Variants in PCDH9 observed in about 807,000 individuals in gnomAD.
PCDH9 encodes protocadherin-9.
A neutral mutation model predicts 70.6 loss-of-function variants in PCDH9; 24 were observed. The ratio of observed to expected loss-of-function variants is 0.34; its 90% CI spans 0.25 to 0.48. The LOEUF (loss-of-function observed/expected upper bound fraction) is 0.48, where lower values mean the gene tolerates loss of function less well. PCDH9 is among the 20% of genes least tolerant of loss of function. The pLI is 0.99. For synonymous variants in PCDH9, 562 were observed against 558.5 expected (o/e 1.01, Z -0.09); for missense variants, 1,281 against 1,503.6 (o/e 0.85, Z 2.45).
chr13:66,757,260 A>G (rs1425761045), intron 3 of PCDH9, among the ~76,000 whole-genome samples: 1 of 152,148 alleles, frequency 6.6e-6, no homozygotes, highest in African/African-American at 2.4e-5. Context: ...CCTTGGATTG[A>G]ATGACTTCAT....
At chr13:67,216,241 A>C (rs1269225146) in intron 2 of PCDH9, 1 of 152,144 alleles carries the variant, frequency 6.6e-6, no homozygotes, top group African/African-American at 2.4e-5. Context: ...ATGCTTAAAA[A>C]TCAATCAATG....
intron 2 of PCDH9, among the ~76,000 whole-genome samples, chr13:66,935,448 A>G (rs2082900499): frequency 6.6e-6 from 1 of 152,182 alleles, no homozygotes; most frequent in Admixed American, 6.5e-5. Flanking sequence ...GTGTTTCCCT[A>G]TCTTTACTGA....
intron 2 of PCDH9, among the ~76,000 whole-genome samples, chr13:66,990,002 C>T (rs2083969377): frequency 6.6e-6 from 1 of 151,760 alleles, no homozygotes; most frequent in Admixed American, 6.6e-5. Context: ...CAGTGCATAG[C>T]AGTATAATAA....
rs192626112 is a variant in PCDH9 at position 66,358,215 on chromosome 13, A to G, written c.3341-53187T>C. Among the ~76,000 whole-genome samples the G allele has an allele frequency of 2.5e-3, 379 of 152,156 alleles. 2 individuals are homozygous for G. The highest frequency in any genetic ancestry group is 6.8e-3 in the South Asian group (33 of 4,832). On this transcript the variant is annotated intron_variant, in intron 4 of 4. Transcript: ENST00000377865. The stretch of plus-strand genomic sequence containing the variant: ...TAATAATTTTTACTTAAAGAAAGCT[A>G]CTACTTAAGGGAAAGTCTCAGTTTT...
chr13:66,329,549 G>A (rs549048563), intron 4 of PCDH9, among the ~76,000 whole-genome samples: 1 of 152,128 alleles, frequency 6.6e-6, no homozygotes, highest in African/African-American at 2.4e-5. Flanking sequence ...ACTGTAAAGA[G>A]AATGTCCCCA....
At position 66,838,059 on chromosome 13, in the gene PCDH9, T is replaced by C. The variant is rs187297873; in HGVS notation, c.3138+65445A>G. Among the ~76,000 whole-genome samples, 4 of 152,332 alleles carry C rather than the reference T, an allele frequency of 2.6e-5. No individual in the cohort carries two copies. In the East Asian group the frequency reaches 7.7e-4, roughly 29 times the overall value. ...AATTTAAAATGAAATTAATCCACTA[T>C]ATCAAATTTTCCAGTTTTGTACTTT... On this transcript the variant is annotated intron_variant, in intron 3 of 4. Transcript: ENST00000377865.
At chr13:66,493,259 G>A (rs1231155448) in intron 4 of PCDH9, among the ~76,000 whole-genome samples, 1 of 151,954 alleles carries the variant, frequency 6.6e-6, no homozygotes. Context: ...GTGTTTTTGT[G>A]GCATTTGAAT....
At chr13:66,646,198 A>T (rs1000384101) in intron 3 of PCDH9, among the ~76,000 whole-genome samples, 2 of 152,228 alleles carry the variant, frequency 1.3e-5, no homozygotes, top group African/African-American at 4.8e-5. Flanking sequence ...ATACATTAAC[A>T]TAAACAGAGA....
intron 3 of PCDH9, among the ~76,000 whole-genome samples, chr13:66,668,031 A>G (rs1366308417): frequency 6.6e-6 from 1 of 152,194 alleles, no homozygotes; most frequent in East Asian, 1.9e-4. Flanking sequence ...TAATGAATAA[A>G]ATCCACTGAA....
chr13:66,317,754 T>G (rs1955679353), intron 4 of PCDH9, among the ~76,000 whole-genome samples: 1 of 151,414 alleles, frequency 6.6e-6, no homozygotes, highest in South Asian at 2.1e-4. Context: ...AAAAAGATGA[T>G]TAGCAAATTT....
chr13:66,869,730 G>A (rs2081639624), intron 3 of PCDH9, among the ~76,000 whole-genome samples: 1 of 152,094 alleles, frequency 6.6e-6, no homozygotes, highest in African/African-American at 2.4e-5. Flanking sequence ...ACTTGAATTT[G>A]AGAAACCTCG....
At chr13:67,210,742 A>C (rs2089451545) in intron 2 of PCDH9, 1 of 152,050 alleles carries the variant, frequency 6.6e-6, no homozygotes, top group Admixed American at 6.5e-5. Context: ...TATTGTAGCC[A>C]AAAAGAGAGA....
At chr13:66,400,198 T>C (rs1198791275) in intron 4 of PCDH9, among the ~76,000 whole-genome samples, 1 of 152,192 alleles carries the variant, frequency 6.6e-6, no homozygotes, top group Non-Finnish European at 1.5e-5. Context: ...TTCCATGTTT[T>C]TGGCATGAAA....
At chr13:66,745,356 C>T (rs1041707753) in intron 3 of PCDH9, among the ~76,000 whole-genome samples, 1 of 152,136 alleles carries the variant, frequency 6.6e-6, no homozygotes, top group Non-Finnish European at 1.5e-5. Flanking sequence ...CATCATTGCT[C>T]ATAGGGCAGA....
chr13:66,855,179 G>A (rs2081375006), intron 3 of PCDH9, among the ~76,000 whole-genome samples: 1 of 152,036 alleles, frequency 6.6e-6, no homozygotes, highest in Admixed American at 6.6e-5. Flanking sequence ...ATGGGAAGAT[G>A]ACTTGTCTGT....
At chr13:67,021,771 G>A (rs1185626573) in intron 2 of PCDH9, among the ~76,000 whole-genome samples, 1 of 152,004 alleles carries the variant, frequency 6.6e-6, no homozygotes, top group African/African-American at 2.4e-5. Context: ...TGTTGGCCAG[G>A]CTGGTTTCCA....
At chr13:66,809,248 T>C (rs1053427264) in intron 3 of PCDH9, among the ~76,000 whole-genome samples, 4 of 152,146 alleles carry the variant, frequency 2.6e-5, no homozygotes, top group African/African-American at 9.7e-5. Flanking sequence ...GCGCCAGGCC[T>C]TTTAAATACA....
chr13:66,738,876 G>C (rs1308237391), intron 3 of PCDH9, among the ~76,000 whole-genome samples: 1 of 149,780 alleles, frequency 6.7e-6, no homozygotes, highest in Non-Finnish European at 1.5e-5. Flanking sequence ...TGGTGTACCT[G>C]AAAGTGATGC....
intron 4 of PCDH9, among the ~76,000 whole-genome samples, chr13:66,568,751 A>T (rs34610571): frequency 4.0e-5 from 6 of 151,480 alleles, no homozygotes; most frequent in Non-Finnish European, 8.8e-5. Context: ...AATGTAAGTC[A>T]AAGGGGTCAA....
Sources: allele counts gnomAD v4.1 joint callset (sites outside exome capture counted in the v4.1 genomes callset), GRCh38; gene constraint gnomAD v4.1.1; transcripts MANE v1.5; gene names NCBI Gene and HGNC (gene_info 2026-07-23, HGNC 2026-07-21).